Variants in VPS13D observed in about 807,000 individuals in gnomAD.
VPS13D encodes intermembrane lipid transfer protein VPS13D.
VPS13D carries 187 observed loss-of-function variants against 461.9 expected under a neutral mutation model. That is an observed-to-expected ratio of 0.40 (90% CI 0.36 to 0.46). The LOEUF is 0.46. VPS13D is among the 20% of genes least tolerant of loss of function. VPS13D has a pLI of 0.60. For missense variants in VPS13D, 4,711 were observed against 5,364.9 expected (o/e 0.88, Z 3.81); for synonymous variants, 1,951 against 1,986.3 (o/e 0.98, Z 0.47).
At chr1:12,438,127 G>T (rs564121841) in intron 65 of VPS13D, among the ~76,000 whole-genome samples, 2 of 152,138 alleles carry the variant, frequency 1.3e-5, no homozygotes, top group Non-Finnish European at 2.9e-5. Context: ...TCAGTAAACT[G>T]AGTCTCTGTT....
intron 68 of VPS13D, among the ~76,000 whole-genome samples, chr1:12,501,027 C>G (rs1348887146): frequency 2.6e-5 from 4 of 151,920 alleles, no homozygotes; most frequent in Non-Finnish European, 5.9e-5. Context: ...GCACTCCAGC[C>G]TGGGTGACAG....
rs766697766 is a variant in VPS13D, at chr1:12,277,073, A to G, written c.3485A>G (p.Gln1162Arg). The G allele has an allele frequency of 1.2e-6, 2 of 1,614,214 alleles. No individual in the cohort carries two copies. The highest frequency in any genetic ancestry group is 1.7e-6 in the Non-Finnish European group (2 of 1,180,038). Residue 1162 changes from glutamine to arginine, a missense_variant, in exon 19 of 70, where the codon CAA becomes CGA. By Grantham distance (43) the Gln-to-Arg change is conservative. Around this residue, in one of 3 missense-constraint regions of VPS13D, gnomAD observed 4,411 missense variants for 4,937.8 expected, o/e 0.89. Transcript: ENST00000620676. ...GGAACTTACCAGTCTACATATGAACAAAACACTGAGGTTGCAGTGGAAATC... is the reference window on the plus strand; with the variant it reads ...GGAACTTACCAGTCTACATATGAACGAAACACTGAGGTTGCAGTGGAAATC... ...EQGTYQSTYE[Q>R]NTEVAVEIHR...
At chr1:12,361,394 TATTTA>T (rs1643945149) in intron 50 of VPS13D, among the ~76,000 whole-genome samples, 2 of 142,860 alleles carry the variant, frequency 1.4e-5, no homozygotes, top group South Asian at 2.1e-4. Context: ...TTTATTTATT[TATTTA>T]TTTATTTTTT....
At position 12,507,191 on chromosome 1, in the gene VPS13D, G is replaced by T; in HGVS notation, c.13035+98G>T. ...TCCTCAGCAGGAGCTCATTTAGGAG[G>T]TTGAGGCTGGGCCCTTCCCAGGAGT... On this transcript the variant is annotated intron_variant, in intron 69 of 69. Transcript: ENST00000620676. The surrounding 1 kb of genome is among the most constrained non-coding windows in gnomAD (Gnocchi z 5.3). The T allele has an allele frequency of 6.2e-7, 1 of 1,602,416 alleles. No individual in the cohort carries two copies. Among genetic ancestry groups the T allele is most frequent in the Non-Finnish European group, 8.5e-7 (1 of 1,174,218 alleles).
In VPS13D at chr1:12,262,070, C is replaced by A; in HGVS notation, c.1584C>A (p.Leu528=). Residue 528 remains leucine, a synonymous_variant, in exon 13 of 70, where the codon CTC becomes CTA. Transcript: ENST00000620676. ...TGAATGAAAGTGCTTTCATGCAGCTCGAGTTTTCAGGTACACTGCCCCCAA... is the reference window on the plus strand; with the variant it reads ...TGAATGAAAGTGCTTTCATGCAGCTAGAGTTTTCAGGTACACTGCCCCCAA... ...PQMNESAFMQ[L]EFSDVKLLAE... is the part of the protein sequence containing the mutation. 6.2e-7 allele frequency: 1 copy of A among 1,609,604 alleles called. No individual in the cohort carries two copies. Among genetic ancestry groups the A allele is most frequent in the Non-Finnish European group, 8.5e-7 (1 of 1,176,640 alleles).
chr1:12,281,457 C>T (rs562975366), intron 20 of VPS13D, among the ~76,000 whole-genome samples: 13 of 152,050 alleles, frequency 8.5e-5, no homozygotes, highest in Admixed American at 4.6e-4. Flanking sequence ...TTTGGCTGTT[C>T]GTGTGCCACT....
At chr1:12,248,049 C>T (rs969063544) in intron 5 of VPS13D, among the ~76,000 whole-genome samples, 3 of 151,772 alleles carry the variant, frequency 2.0e-5, no homozygotes, top group Middle Eastern at 3.4e-3. Context: ...CACCACGCCC[C>T]GCTAATTTTT....
chr1:12,232,099 A>C (rs1395540955), intron 1 of VPS13D, among the ~76,000 whole-genome samples: 1 of 152,196 alleles, frequency 6.6e-6, no homozygotes, highest in African/African-American at 2.4e-5. Context: ...AATGTAGCTA[A>C]TAATTAGTTT....
chr1:12,247,150 G>A (rs1274272547), intron 5 of VPS13D, among the ~76,000 whole-genome samples: 4 of 151,940 alleles, frequency 2.6e-5, no homozygotes, highest in Non-Finnish European at 1.5e-5. Context: ...ATTGATTATG[G>A]GGCTGGGCAC....
chr1:12,479,910 C>T (rs1167067723), intron 67 of VPS13D, among the ~76,000 whole-genome samples: 1 of 152,216 alleles, frequency 6.6e-6, no homozygotes, highest in Non-Finnish European at 1.5e-5. Context: ...TGAATTCCCT[C>T]AGCCCACCAG....
At position 12,473,591 on chromosome 1, in the gene VPS13D, A is replaced by G. The variant is rs1645591146; in HGVS notation, c.12662+13195A>G. Among the ~76,000 whole-genome samples the G allele has an allele frequency of 1.3e-5, 2 of 152,074 alleles. No homozygotes were observed. Among genetic ancestry groups the G allele is most frequent in the Non-Finnish European group, 2.9e-5 (2 of 68,020 alleles). The stretch of plus-strand genomic sequence containing the variant: ...GTGGTTACGTGGATTAAATTATATC[A>G]TGTATATAAAGCACTCAGCCTGGCA... On this transcript the variant is annotated intron_variant, in intron 67 of 69. Transcript: ENST00000620676. This position sits in a 1 kb window ranked among gnomAD's most constrained non-coding sequence, Gnocchi z 4.2.
At chr1:12,411,631 G>C (rs1557763859) in intron 63 of VPS13D, among the ~76,000 whole-genome samples, 1 of 152,284 alleles carries the variant, frequency 6.6e-6, no homozygotes, top group East Asian at 1.9e-4. Flanking sequence ...AATTGCAGTG[G>C]TTTAAAACAA....
intron 65 of VPS13D, among the ~76,000 whole-genome samples, chr1:12,451,473 A>G (rs1645261273): frequency 6.6e-6 from 1 of 152,228 alleles, no homozygotes; most frequent in African/African-American, 2.4e-5. Flanking sequence ...TTTCTGAAGG[A>G]CATTTTGTTC....
chr1:12,323,647 G>A (rs1643102602), intron 34 of VPS13D, 59 bp from the exon 35 acceptor site: 3 of 1,502,044 alleles, frequency 2.0e-6, no homozygotes, highest in Non-Finnish European at 2.7e-6. Flanking sequence ...TCTAAAATTA[G>A]TTTGTAGATT....
At chr1:12,459,105 A>G (rs1267414105) in intron 66 of VPS13D, among the ~76,000 whole-genome samples, 1 of 152,182 alleles carries the variant, frequency 6.6e-6, no homozygotes, top group African/African-American at 2.4e-5. Flanking sequence ...AAAATTGCAA[A>G]TGTATACCAT....
In VPS13D at chr1:12,352,965, C is replaced by CAAAAAAAAAAAAAAAAAAAAAA. The variant is rs61588046; in HGVS notation, c.9432-999_9432-978dup. 1.7e-4 allele frequency among the ~76,000 whole-genome samples: 3 copies of CAAAAAAAAAAAAAAAAAAAAAA among 17,586 alleles called. 1 individual carries two copies. Among genetic ancestry groups the CAAAAAAAAAAAAAAAAAAAAAA allele is most frequent in the African/African-American group, 2.0e-4 (1 of 5,106 alleles). The allele number at this position is 17,586 out of a possible 152,430, so 11.5% of individuals were successfully genotyped here. ...GGGCAATAAGAGTGAAACTCAGTCT[C>CAAAAAAAAAAAAAAAAAAAAAA]AAAAAAAAAAAAAAAAAAAAAAAAA... On this transcript the variant is annotated intron_variant, in intron 46 of 69. Transcript: ENST00000620676.
At chr1:12,501,005 G>T (rs1646027749) in intron 68 of VPS13D, among the ~76,000 whole-genome samples, 1 of 151,950 alleles carries the variant, frequency 6.6e-6, no homozygotes, top group South Asian at 2.1e-4. Flanking sequence ...AGTGAGCTGA[G>T]ATCACGCCAC....
Position 12,299,047 on chromosome 1 carries a change from C to T in VPS13D, c.6034-155C>T, listed in dbSNP as rs372888953. Among the ~76,000 whole-genome samples, 40 of 152,274 alleles carry T rather than the reference C, an allele frequency of 2.6e-4. 3 individuals carry two copies. Among genetic ancestry groups the T allele is most frequent in the Admixed American group, 2.1e-3 (32 of 15,294 alleles). ...GGGATTTTCCATTATCTTCTTGTTA[C>T]TGACTTCCAGTTTAACTCCATGGTG... On this transcript the variant is annotated intron_variant, in intron 24 of 69. Transcript: ENST00000620676. The surrounding 1 kb of genome is among the most constrained non-coding windows in gnomAD (Gnocchi z 4.2).
At chr1:12,357,375 A>G (rs542835963) in intron 49 of VPS13D, among the ~76,000 whole-genome samples, 1 of 152,320 alleles carries the variant, frequency 6.6e-6, no homozygotes, top group South Asian at 2.1e-4. Context: ...GCCTCTTGGC[A>G]TGTGCAGCCA....
Sources: gnomAD v4.1 joint callset for allele counts (sites outside exome capture counted in the v4.1 genomes callset) on GRCh38, gnomAD v4.1.1 for gene constraint, gnomAD v4.1.1 regional missense constraint, Gnocchi (gnomAD v3.1) non-coding constraint, MANE v1.5 for transcripts, NCBI Gene and HGNC (gene_info 2026-07-23, HGNC 2026-07-21) for gene names.